PCMT1: variants seen among roughly 807,000 people sequenced by gnomAD.
PCMT1 encodes the protein protein-L-isoaspartate (D-aspartate) O-methyltransferase, also known as protein-L-isoaspartate(D-aspartate) O-methyltransferase.
In PCMT1, 9 loss-of-function variants were observed where a neutral mutation model predicts 29.2. The ratio of observed to expected loss-of-function variants is 0.31; its 90% CI spans 0.19 to 0.54. The LOEUF (loss-of-function observed/expected upper bound fraction) is 0.54. Among genes scored for constraint, PCMT1 ranks in the 20% least tolerant of loss-of-function variants. The pLI is 0.95. For synonymous variants in PCMT1, 98 were observed against 97.5 expected, an observed-to-expected ratio of 1.00 and a Z score of -0.03; for missense variants, 184 against 282.2, an observed-to-expected ratio of 0.65 and a Z score of 2.49.
intron 1 of PCMT1, among the ~76,000 whole-genome samples, chr6:149,755,610 C>T (rs1391772312): frequency 6.6e-6 from 1 of 152,046 alleles, no homozygotes; most frequent in Admixed American, 6.6e-5. Context: ...CAGTCCATTC[C>T]CCTAATGATC....
rs1422541006 is a variant in PCMT1, at chr6:149,786,423, C to A, written c.193-3531C>A. 2.8e-5 allele frequency among the ~76,000 whole-genome samples: 4 copies of A among 144,446 alleles called. 1 individual carries two copies. Among genetic ancestry groups the A allele is most frequent in the Admixed American group, 1.4e-4 (2 of 14,670 alleles). 94.8% of individuals were successfully genotyped at this position (144,446 alleles called of 152,430 possible). The stretch of plus-strand genomic sequence containing the variant: ...GCTGGCCGGGCGGGGGCTGACCCCC[C>A]ACCTCCCTCCCGGACGGGGTGGCTG... On this transcript the variant is annotated intron_variant, in intron 3 of 7. Coordinates refer to ENST00000464889, the MANE Select transcript of PCMT1 (RefSeq NM_001360452.2).
intron 1 of PCMT1, 102 bp downstream of exon 1, chr6:149,750,058 G>A (rs1207175347): frequency 7.0e-7 from 1 of 1,436,130 alleles, no homozygotes; most frequent in East Asian, 2.6e-5. Flanking sequence ...CCGCGCGCCT[G>A]TTGGAGGGCT....
chr6:149,774,693 A>G (rs1449717971), intron 3 of PCMT1, among the ~76,000 whole-genome samples: 1 of 139,474 alleles, frequency 7.2e-6, no homozygotes, highest in Non-Finnish European at 1.5e-5. Context: ...ACCCGCCACC[A>G]CACCTGGCTA....
intron 7 of PCMT1, among the ~76,000 whole-genome samples, chr6:149,805,526 C>G (rs562505347): frequency 9.9e-5 from 15 of 150,806 alleles, no homozygotes; most frequent in South Asian, 4.2e-4. Context: ...CCTGGGAGGC[C>G]GAGCTTGCAG....
chr6:149,777,865 CTTCTT>C (rs1787639354), intron 3 of PCMT1, among the ~76,000 whole-genome samples: 1 of 133,202 alleles, frequency 7.5e-6, no homozygotes, highest in Admixed American at 8.3e-5. Context: ...TCCTTCTTTC[CTTCTT>C]TTCTTCTTTT....
At chr6:149,786,624 C>T (rs201550762) in intron 3 of PCMT1, among the ~76,000 whole-genome samples, 22 of 147,006 alleles carry the variant, frequency 1.5e-4, no homozygotes, top group Admixed American at 7.5e-4. Context: ...AGACGCTCCT[C>T]ACCTCCCAGA....
intron 1 of PCMT1, among the ~76,000 whole-genome samples, chr6:149,757,527 A>G (rs1021533725): frequency 6.6e-5 from 10 of 152,158 alleles, no homozygotes; most frequent in African/African-American, 1.9e-4. Flanking sequence ...CTTTGAAGGG[A>G]TGGAGGTGGT....
chr6:149,764,958 G>A (rs968782501), intron 1 of PCMT1, among the ~76,000 whole-genome samples: 1 of 147,982 alleles, frequency 6.8e-6, no homozygotes, highest in African/African-American at 2.5e-5. Context: ...GGAAAACGGC[G>A]TGAACCCGGG....
At chr6:149,807,558 A>T (rs1273686085) in intron 7 of PCMT1, among the ~76,000 whole-genome samples, 3 of 151,968 alleles carry the variant, frequency 2.0e-5, no homozygotes, top group Non-Finnish European at 4.4e-5. Context: ...TTTAGTAGAG[A>T]CGGGGTTTCA....
At chr6:149,805,315 TGG>T (rs1554257123) in intron 7 of PCMT1, among the ~76,000 whole-genome samples, 4 of 152,210 alleles carry the variant, frequency 2.6e-5, no homozygotes, top group Non-Finnish European at 5.9e-5. Context: ...GCTTTTAGGC[TGG>T]GCGCAGTGGC....
Position 149,762,599 on chromosome 6 carries a change from T to G in PCMT1, c.56-8563T>G, listed in dbSNP as rs1786809785. ...ATCTATGATATATATATCTATGATATATATATCTATGATATATATATATCT... is the reference window on the plus strand; with the variant it reads ...ATCTATGATATATATATCTATGATAGATATATCTATGATATATATATATCT... On this transcript the variant is annotated intron_variant, in intron 1 of 7. Coordinates refer to ENST00000464889, the MANE Select transcript of PCMT1 (RefSeq NM_001360452.2). 4.4e-5 allele frequency among the ~76,000 whole-genome samples: 2 copies of G among 45,850 alleles called. 1 individual carries two copies. The highest frequency in any genetic ancestry group is 1.4e-3 in the South Asian group (2 of 1,466). 30.1% of individuals were successfully genotyped at this position (45,850 alleles called of 152,430 possible).
At chr6:149,764,571 T>TA (rs919260477) in intron 1 of PCMT1, among the ~76,000 whole-genome samples, 17 of 151,142 alleles carry the variant, frequency 1.1e-4, no homozygotes, top group East Asian at 3.9e-4. Context: ...ACCCACTCTC[T>TA]AAAAAAAAAC....
intron 1 of PCMT1, among the ~76,000 whole-genome samples, chr6:149,763,795 G>T (rs1786959521): frequency 6.6e-6 from 1 of 151,986 alleles, no homozygotes. Context: ...TGCCTAACCT[G>T]AAAAAAATAA....
At position 149,759,295 on chromosome 6, in the gene PCMT1, G is replaced by A. The variant is rs545063175; in HGVS notation, c.55+9339G>A. Among the ~76,000 whole-genome samples the A allele has an allele frequency of 4.2e-3, 636 of 152,304 alleles. 4 individuals carry two copies. Among genetic ancestry groups the A allele is most frequent in the Non-Finnish European group, 7.7e-3 (526 of 68,026 alleles). On this transcript the variant is annotated intron_variant, in intron 1 of 7. Coordinates refer to ENST00000464889, the MANE Select transcript of PCMT1 (RefSeq NM_001360452.2). ...TCATTCTGAATGGGAAGAAAAAGGT[G>A]AAAGTTTTGTTAATTTCTTATTGTT...
At chr6:149,802,085 T>G (rs1484141547) in intron 6 of PCMT1, 115 bp from the exon 7 acceptor site, 8 of 631,438 alleles carry the variant, frequency 1.3e-5, no homozygotes, top group Non-Finnish European at 1.5e-5. Context: ...GCTGAGATCG[T>G]GTCATTGCAC....
chr6:149,784,711 A>C (rs1411193173), intron 3 of PCMT1, among the ~76,000 whole-genome samples: 2 of 151,802 alleles, frequency 1.3e-5, no homozygotes, highest in Non-Finnish European at 2.9e-5. Context: ...CAATCCACCC[A>C]CCTCGGCCTC....
At chr6:149,798,291 A>T (rs1472464806) in intron 6 of PCMT1, 1 of 152,190 alleles carries the variant, frequency 6.6e-6, no homozygotes, top group African/African-American at 2.4e-5. Context: ...CACATGACCA[A>T]TGGGTTTTTA....
At chr6:149,796,787 G>GTTTT in intron 6 of PCMT1, 1 of 259,864 alleles carries the variant, frequency 3.8e-6, no homozygotes, top group Non-Finnish European at 7.1e-6. Context: ...TGATAATCAG[G>GTTTT]TTTTTTTTGT....
At chr6:149,774,994 A>C (rs1787502520) in intron 3 of PCMT1, among the ~76,000 whole-genome samples, 1 of 151,918 alleles carries the variant, frequency 6.6e-6, no homozygotes, top group South Asian at 2.1e-4. Context: ...GGCGTGAGCC[A>C]CCCCACCCAG....
Sources: allele counts gnomAD v4.1 joint callset (sites outside exome capture counted in the v4.1 genomes callset), GRCh38; gene constraint gnomAD v4.1.1; transcripts MANE v1.5; gene names NCBI Gene and HGNC (gene_info 2026-07-23, HGNC 2026-07-21).